The following CFAP91 variants were observed in gnomAD, a reference collection of about 807,000 sequenced individuals.
CFAP91 encodes cilia- and flagella-associated protein 91.
CFAP91 carries 85 observed loss-of-function variants against 95.9 expected under a neutral mutation model. That is an observed-to-expected ratio of 0.89 (90% CI 0.74 to 1.06). The LOEUF (loss-of-function observed/expected upper bound fraction) is 1.06, where lower values mean the gene tolerates loss of function less well. Ranked by LOEUF, CFAP91 falls within the 50% of genes least tolerant of loss-of-function variation. The probability of loss-of-function intolerance (pLI) is 0.00; values close to 1 mark genes in which losing one functional copy is unlikely to be tolerated. For synonymous variants in CFAP91, 335 were observed against 327.5 expected (o/e 1.02, Z -0.25); for missense variants, 962 against 943.4 (o/e 1.02, Z -0.26).
chr3:119,732,242 G>A, intron 8 of CFAP91, 52 bp from the exon 9 acceptor site: 2 of 1,379,676 alleles, frequency 1.4e-6, no homozygotes, highest in South Asian at 1.4e-5. Flanking sequence ...TTCTGCATTT[G>A]TAATTCAGAA....
rs1216548831 is a variant in CFAP91, at chr3:119,739,222, T to G, written c.1462-33T>G. ...TTTGATGCTTGGACTACTGCAGTTC[T>G]CAAGCTGCTTGGTTCTCCCTTTGTT... On this transcript the variant is annotated intron_variant, in intron 11 of 17. Transcript: ENST00000273390. 3 of 1,585,484 alleles carry G rather than the reference T, an allele frequency of 1.9e-6. No individual in the cohort carries two copies. In the African/African-American group the frequency reaches 4.0e-5, roughly 21 times the overall value.
chr3:119,731,741 G>T (rs1453797859), intron 8 of CFAP91, among the ~76,000 whole-genome samples: 3 of 152,196 alleles, frequency 2.0e-5, no homozygotes, highest in Non-Finnish European at 4.4e-5. Context: ...TGAGAGAAAA[G>T]GAGCACAGGA....
At position 119,743,561 on chromosome 3, in the gene CFAP91, T is replaced by G. The variant is rs972386220; in HGVS notation, c.1681-414T>G. On this transcript the variant is annotated intron_variant, in intron 13 of 17. Transcript: ENST00000273390. ...GGAAAGATATTGAAAAATTAACTGA[T>G]ATCATGAGTGAATTTCTAGGAGATT... 5.9e-5 allele frequency among the ~76,000 whole-genome samples: 9 copies of G among 152,236 alleles called. 1 individual carries two copies. The East Asian group carries it at 1.2e-3, about 20-fold the overall frequency.
At chr3:119,748,061 CT>C (rs2054258868) in intron 16 of CFAP91, among the ~76,000 whole-genome samples, 159 bp downstream of exon 16, 1 of 152,154 alleles carries the variant, frequency 6.6e-6, no homozygotes, top group African/African-American at 2.4e-5. Context: ...TTCATGCTGC[CT>C]GATTCTAGAA....
chr3:119,715,821 A>G, intron 6 of CFAP91, 78 bp downstream of exon 6: 2 of 1,322,938 alleles, frequency 1.5e-6, no homozygotes, highest in Middle Eastern at 1.9e-4. Flanking sequence ...GCCCATGTAC[A>G]GGCAATTGTG....
chr3:119,747,768 G>A (rs2107908930), intron 15 of CFAP91, 43 bp from the exon 16 acceptor site: 1 of 1,560,582 alleles, frequency 6.4e-7, no homozygotes, highest in Non-Finnish European at 8.8e-7. Flanking sequence ...CAGCTCAAGT[G>A]AAAAAACCAA....
chr3:119,710,835 A>T lies in CFAP91; in HGVS notation c.500+940A>T, dbSNP rs188964568. 2.0e-5 allele frequency among the ~76,000 whole-genome samples: 3 copies of T among 152,346 alleles called. No individual in the cohort carries two copies. In the East Asian group the frequency reaches 5.8e-4, roughly 29 times the overall value. On this transcript the variant is annotated intron_variant, in intron 5 of 17. Transcript: ENST00000273390. ...AACCAAGGTAAGAGGGAGGTAAGGG[A>T]CAAGGGCTGAATCTGAGACAAATGT...
In CFAP91 at chr3:119,708,654, T is replaced by A; in HGVS notation, c.423T>A (p.Asn141Lys). 1 of 1,594,934 alleles carries A rather than the reference T, an allele frequency of 6.3e-7. No individual in the cohort carries two copies. The highest frequency in any genetic ancestry group is 8.6e-7 in the Non-Finnish European group (1 of 1,166,362). Residue 141 changes from asparagine (N) to lysine (K), a missense_variant, in exon 4 of 18, where the codon AAT (asparagine) becomes AAA (lysine). Asn to Lys is a moderately conservative substitution (Grantham distance 94, BLOSUM62 0). Coordinates refer to ENST00000273390, the MANE Select transcript of CFAP91 (RefSeq NM_033364.4). The part of the protein sequence containing the change: ...VYEDPEVTGK[N>K]RYKYFERPFL... The stretch of plus-strand genomic sequence containing the variant: ...AAGATCCTGAAGTTACTGGAAAGAA[T>A]CGCTATAAATACTTTGAAAGGTAGA...
At chr3:119,762,577 A>T (rs1368668391) in intron 17 of CFAP91, among the ~76,000 whole-genome samples, 1 of 152,048 alleles carries the variant, frequency 6.6e-6, no homozygotes, top group African/African-American at 2.4e-5. Context: ...CTGACTTAAA[A>T]ATCTACTGCA....
At chr3:119,722,212 A>C (rs2053699599) in intron 6 of CFAP91, among the ~76,000 whole-genome samples, 1 of 151,688 alleles carries the variant, frequency 6.6e-6, no homozygotes, top group Non-Finnish European at 1.5e-5. Context: ...AGATGAAAGA[A>C]AGAAAAAGAA....
At chr3:119,734,986 A>AT (rs2053974224) in intron 10 of CFAP91, among the ~76,000 whole-genome samples, 1 of 151,692 alleles carries the variant, frequency 6.6e-6, no homozygotes, top group Non-Finnish European at 1.5e-5. Flanking sequence ...ATTTTTGGTA[A>AT]ATTTTTTTTT....
chr3:119,732,727 A>G (rs910005834), intron 9 of CFAP91, among the ~76,000 whole-genome samples: 1 of 152,254 alleles, frequency 6.6e-6, no homozygotes, highest in African/African-American at 2.4e-5. Flanking sequence ...ACTAATAATC[A>G]AAGTTATTTA....
chr3:119,742,314 A>G lies in CFAP91; in HGVS notation c.1680+1619A>G, dbSNP rs2054136958. Among the ~76,000 whole-genome samples the G allele has an allele frequency of 2.0e-5, 3 of 152,196 alleles. 1 individual carries two copies. The South Asian group carries it at 6.2e-4, about 31-fold the overall frequency. On this transcript the variant is annotated intron_variant, in intron 13 of 17. Coordinates refer to ENST00000273390, the MANE Select transcript of CFAP91 (RefSeq NM_033364.4). ...GAGGGAGTGAGCACCTCATGTATAG[A>G]TGCAGCAATGCTGGTCTGCCCCCTT...
intron 5 of CFAP91, among the ~76,000 whole-genome samples, chr3:119,711,664 A>T (rs957767591): frequency 6.6e-6 from 1 of 152,192 alleles, no homozygotes; most frequent in African/African-American, 2.4e-5. Context: ...CTGGAATTCC[A>T]GTATGTTTGA....
intron 17 of CFAP91, among the ~76,000 whole-genome samples, chr3:119,753,802 C>G (rs929128308): frequency 1.3e-5 from 2 of 152,144 alleles, no homozygotes; most frequent in Non-Finnish European, 2.9e-5. Flanking sequence ...TCTTTTATCC[C>G]TCATCCCCTT....
chr3:119,735,060 A>G (rs571960562), intron 10 of CFAP91, among the ~76,000 whole-genome samples: 1 of 151,896 alleles, frequency 6.6e-6, no homozygotes, highest in South Asian at 2.1e-4. Context: ...GTATTGTTTT[A>G]TAATCTTTTA....
intron 14 of CFAP91, among the ~76,000 whole-genome samples, chr3:119,745,108 C>T (rs1205482400): frequency 2.0e-5 from 3 of 152,112 alleles, no homozygotes; most frequent in Admixed American, 2.0e-4. Context: ...GTTAATATAG[C>T]CTTTCTAGCC....
At chr3:119,743,641 A>G (rs1212464291) in intron 13 of CFAP91, among the ~76,000 whole-genome samples, 1 of 152,176 alleles carries the variant, frequency 6.6e-6, no homozygotes, top group African/African-American at 2.4e-5. Flanking sequence ...ATTTCCCTTC[A>G]TATCTGAGAA....
chr3:119,759,710 T>A (rs898760974), intron 17 of CFAP91, among the ~76,000 whole-genome samples: 1 of 151,978 alleles, frequency 6.6e-6, no homozygotes, highest in Non-Finnish European at 1.5e-5. Flanking sequence ...CATAAAAAGA[T>A]GTAAATTATG....
Sources: gnomAD v4.1 joint callset for allele counts (sites outside exome capture counted in the v4.1 genomes callset) on GRCh38, gnomAD v4.1.1 for gene constraint, MANE v1.5 for transcripts, NCBI Gene and HGNC (gene_info 2026-07-23, HGNC 2026-07-21) for gene names.